Variants in PIK3C2G observed in about 807,000 individuals in gnomAD.
PIK3C2G encodes phosphatidylinositol-4-phosphate 3-kinase catalytic subunit type 2 gamma.
In PIK3C2G, 168 loss-of-function variants were observed where a neutral mutation model predicts 181.1. The ratio of observed to expected loss-of-function variants is 0.93; its 90% confidence interval spans 0.82 to 1.05. PIK3C2G has a LOEUF of 1.05. Ranked by LOEUF, PIK3C2G falls within the 50% of genes least tolerant of loss-of-function variation. The probability of loss-of-function intolerance (pLI) is 0.00; values close to 1 mark genes in which losing one functional copy is unlikely to be tolerated. For synonymous variants in PIK3C2G, 573 were observed against 592.2 expected, an observed-to-expected ratio of 0.97 and a Z score of 0.47; for missense variants, 1,869 against 1,732.8, an observed-to-expected ratio of 1.08 and a Z score of -1.40.
At chr12:18,607,131 A>G (rs1398814038) in intron 30 of PIK3C2G, 1 of 515,552 alleles carries the variant, frequency 1.9e-6, no homozygotes, top group Non-Finnish European at 3.9e-6. Flanking sequence ...GAGTTCAGGG[A>G]AAGATGACCA....
chr12:18,697,720 G>A, the PIK3C2G span, among the ~76,000 whole-genome samples: 1 of 151,978 alleles, frequency 6.6e-6, no homozygotes, highest in Non-Finnish European at 1.5e-5. Context: ...GATAATGTTT[G>A]TTCCCTTTCA....
chr12:18,526,230 G>T (rs1047340853), intron 24 of PIK3C2G, among the ~76,000 whole-genome samples: 1 of 152,094 alleles, frequency 6.6e-6, no homozygotes, highest in Non-Finnish European at 1.5e-5. Context: ...TGATCCAAAT[G>T]ATAGGTAATA....
At chr12:18,713,379 A>T in the PIK3C2G span, among the ~76,000 whole-genome samples, 1 of 152,174 alleles carries the variant, frequency 6.6e-6, no homozygotes, top group African/African-American at 2.4e-5. Flanking sequence ...AAAAGTGATA[A>T]TGTTCAAAGC....
chr12:18,597,276 C>T (rs1947419344), intron 30 of PIK3C2G, among the ~76,000 whole-genome samples: 1 of 151,396 alleles, frequency 6.6e-6, no homozygotes, highest in Admixed American at 6.6e-5. Flanking sequence ...TATCTTTATC[C>T]ACTTATGAAA....
intron 12 of PIK3C2G, among the ~76,000 whole-genome samples, chr12:18,366,783 A>AT (rs1243052833): frequency 8.7e-5 from 13 of 149,664 alleles, no homozygotes; most frequent in East Asian, 5.9e-4. Context: ...TGTGTCTCTT[A>AT]TTTTTTTTTC....
chr12:18,420,438 G>T (rs1298616910), intron 16 of PIK3C2G, among the ~76,000 whole-genome samples: 1 of 152,088 alleles, frequency 6.6e-6, no homozygotes, highest in Non-Finnish European at 1.5e-5. Context: ...GAACTTCACA[G>T]TCTACTAGTA....
At position 18,613,529 on chromosome 12, in the gene PIK3C2G, A is replaced by C. The variant is rs147949461; in HGVS notation, c.4182+3900A>C. 5.7e-3 allele frequency among the ~76,000 whole-genome samples: 867 copies of C among 152,200 alleles called. 2 individuals are homozygous for C. Among genetic ancestry groups the C allele is most frequent in the Middle Eastern group, 0.01 (3 of 294 alleles). On this transcript the variant is annotated intron_variant, in intron 31 of 32. Transcript: ENST00000538779. ...ATTTAAACTCTTCTTTTACATTTTT[A>C]ATGTGTCTGAGTGTAGCCTGGGGGT...
chr12:18,262,153 T>G (rs1429952845), intron 1 of PIK3C2G, among the ~76,000 whole-genome samples: 2 of 152,144 alleles, frequency 1.3e-5, no homozygotes, highest in African/African-American at 4.8e-5. Context: ...TCTCTGCTGT[T>G]TGCCTACCTC....
chr12:18,278,013 C>T (rs374877611), intron 1 of PIK3C2G, among the ~76,000 whole-genome samples: 1 of 152,072 alleles, frequency 6.6e-6, no homozygotes, highest in Non-Finnish European at 1.5e-5. Context: ...TAATAGAGAG[C>T]TTTTTTGTGT....
At chr12:18,480,602 C>T (rs140014967) in intron 18 of PIK3C2G, among the ~76,000 whole-genome samples, 375 of 152,254 alleles carry the variant, frequency 2.5e-3, no homozygotes, top group Admixed American at 7.3e-3. Flanking sequence ...GCAGAAGAAG[C>T]TTTCTGTAAG....
chr12:18,605,110 G>A (rs892679317), intron 30 of PIK3C2G, among the ~76,000 whole-genome samples: 3 of 151,962 alleles, frequency 2.0e-5, no homozygotes, highest in Admixed American at 2.0e-4. Context: ...CTGGTTCTTT[G>A]GAAATACAAA....
At position 18,419,825 on chromosome 12, in the gene PIK3C2G, AC is replaced by A. The variant is rs375698326; in HGVS notation, c.2316-1115del. Reference sequence around the variant, plus strand: ...ATTCCATTTGAAGCTGCCATCAAGGACAATTGAGTTATGTGATACCACTGTT... The same window carrying A: ...ATTCCATTTGAAGCTGCCATCAAGGAAATTGAGTTATGTGATACCACTGTT... On this transcript the variant is annotated intron_variant, in intron 16 of 32. Coordinates refer to ENST00000538779, the MANE Select transcript of PIK3C2G (RefSeq NM_001288772.2). Among the ~76,000 whole-genome samples the A allele has an allele frequency of 7.0e-3, 1,065 of 152,276 alleles. 6 individuals are homozygous for A. Among genetic ancestry groups the A allele is most frequent in the African/African-American group, 0.019 (780 of 41,566 alleles).
At chr12:18,531,506 T>C (rs1468533949) in intron 24 of PIK3C2G, among the ~76,000 whole-genome samples, 1 of 152,158 alleles carries the variant, frequency 6.6e-6, no homozygotes, top group Admixed American at 6.6e-5. Context: ...GGTTGCCCTT[T>C]TGTAGCCACA....
intron 1 of PIK3C2G, among the ~76,000 whole-genome samples, chr12:18,271,178 C>T (rs947081420): frequency 2.6e-5 from 4 of 152,084 alleles, no homozygotes; most frequent in African/African-American, 9.7e-5. Flanking sequence ...GCATAAAATT[C>T]CATTCCTTAG....
rs768833278 is a variant in PIK3C2G, at chr12:18,420,980, A to G, written c.2355A>G (p.Gln785=). ...AAATTCGTAAAGTGGCAGTTCAACAATTAGACAACCTCTTGAATGATGAAC... is the reference window on the plus strand; with the variant it reads ...AAATTCGTAAAGTGGCAGTTCAACAGTTAGACAACCTCTTGAATGATGAAC... ...DQEIRKVAVQ[Q]LDNLLNDELL... The change falls in exon 17 of 33, where the codon CAA becomes CAG. Residue 785 remains glutamine (Q), a synonymous_variant. Transcript: ENST00000538779. 4.4e-6 allele frequency: 7 copies of G among 1,606,546 alleles called. No individual in the cohort carries two copies. The highest frequency in any genetic ancestry group is 4.3e-6 in the Non-Finnish European group (5 of 1,173,714).
chr12:18,479,125 G>A (rs1158920656), intron 18 of PIK3C2G, among the ~76,000 whole-genome samples: 4 of 150,678 alleles, frequency 2.7e-5, no homozygotes, highest in Non-Finnish European at 5.9e-5. Context: ...TACATATAAA[G>A]TACATATACA....
At chr12:18,391,870 C>T (rs11831682) in intron 15 of PIK3C2G, among the ~76,000 whole-genome samples, 2,522 of 148,710 alleles carry the variant, frequency 0.017, 78 homozygotes, top group African/African-American at 0.06. Flanking sequence ...TCTCTTTGTG[C>T]GTGTATGTGT....
At position 18,503,305 on chromosome 12, in the gene PIK3C2G, C is replaced by T; in HGVS notation, c.3041C>T (p.Ala1014Val). ...DQGLVQMVPD[A>V]VTLAKIHRHS... ...GGATTGGTGCAGATGGTACCTGATG[C>T]TGTGACCCTAGCAAAGATTCATCGC... The change falls in exon 23 of 33, where the codon GCT (alanine) becomes GTT (valine). Residue 1014 changes from alanine (A) to valine (V), a missense_variant. Physicochemically the swap from Ala to Val is moderately conservative, Grantham distance 64. Coordinates refer to ENST00000538779, the MANE Select transcript of PIK3C2G (RefSeq NM_001288772.2). 1 of 1,610,098 alleles carries T rather than the reference C, an allele frequency of 6.2e-7. No individual in the cohort carries two copies. Among genetic ancestry groups the T allele is most frequent in the Non-Finnish European group, 8.5e-7 (1 of 1,177,788 alleles).
chr12:18,620,676 C>CT (rs199546345), intron 31 of PIK3C2G, among the ~76,000 whole-genome samples: 5,681 of 148,864 alleles, frequency 0.038, 107 homozygotes, highest in Middle Eastern at 0.076. Context: ...GCTAAGCCAA[C>CT]TTTTTTTTTT....
Sources: allele counts gnomAD v4.1 joint callset (sites outside exome capture counted in the v4.1 genomes callset), GRCh38; gene constraint gnomAD v4.1.1; transcripts MANE v1.5; gene names NCBI Gene and HGNC (gene_info 2026-07-23, HGNC 2026-07-21).